Variants in HS3ST2 observed in about 807,000 individuals in gnomAD.
HS3ST2 encodes heparan sulfate glucosamine 3-O-sulfotransferase 2.
HS3ST2 carries 17 observed loss-of-function variants against 26.3 expected under a neutral mutation model. That is an observed-to-expected ratio of 0.65 (90% CI 0.44 to 0.97). The LOEUF (loss-of-function observed/expected upper bound fraction) is 0.97. Ranked by LOEUF, HS3ST2 falls within the 50% of genes least tolerant of loss-of-function variation. The probability of loss-of-function intolerance (pLI) is 0.00; values close to 1 mark genes in which losing one functional copy is unlikely to be tolerated. For missense variants in HS3ST2, 402 were observed against 501.2 expected, an observed-to-expected ratio of 0.80 and a Z score of 1.89; for synonymous variants, 237 against 219.2, an observed-to-expected ratio of 1.08 and a Z score of -0.72.
intron 1 of HS3ST2, among the ~76,000 whole-genome samples, chr16:22,884,048 A>C (rs2141198056): frequency 6.6e-6 from 1 of 152,338 alleles, no homozygotes; most frequent in South Asian, 2.1e-4. Context: ...GCAATGGGCA[A>C]GTCACAGAGA....
chr16:22,910,566 C>T (rs920372073), intron 1 of HS3ST2, among the ~76,000 whole-genome samples: 1 of 152,160 alleles, frequency 6.6e-6, no homozygotes, highest in Admixed American at 6.5e-5. Context: ...GTACTCAATA[C>T]TACTTTTTTT....
intron 1 of HS3ST2, among the ~76,000 whole-genome samples, chr16:22,880,347 G>T (rs1901971385): frequency 6.6e-6 from 1 of 152,146 alleles, no homozygotes; most frequent in South Asian, 2.1e-4. Flanking sequence ...AACCTGGGAG[G>T]TTGAGGCTGC....
At chr16:22,889,506 C>G (rs1596627339) in intron 1 of HS3ST2, among the ~76,000 whole-genome samples, 1 of 152,162 alleles carries the variant, frequency 6.6e-6, no homozygotes, top group South Asian at 2.1e-4. Flanking sequence ...CAAGGAAATG[C>G]TCACTAGAGC....
intron 1 of HS3ST2, among the ~76,000 whole-genome samples, chr16:22,904,889 C>T (rs186807548): frequency 8.4e-4 from 128 of 152,280 alleles, no homozygotes; most frequent in African/African-American, 2.7e-3. Context: ...AATGGTCCCA[C>T]GGTATGAGAG....
chr16:22,823,761 T>C (rs909626961), intron 1 of HS3ST2, among the ~76,000 whole-genome samples: 4 of 152,164 alleles, frequency 2.6e-5, no homozygotes, highest in African/African-American at 9.7e-5. Flanking sequence ...AACTCCAGCC[T>C]GGGTGATAGA....
intron 1 of HS3ST2, among the ~76,000 whole-genome samples, chr16:22,826,553 G>A (rs1326099312): frequency 6.6e-6 from 1 of 152,062 alleles, no homozygotes; most frequent in African/African-American, 2.4e-5. Context: ...TTCCCCACTA[G>A]CCTGAAAACT....
chr16:22,852,288 A>T (rs1279872530), intron 1 of HS3ST2, among the ~76,000 whole-genome samples: 1 of 152,194 alleles, frequency 6.6e-6, no homozygotes, highest in Non-Finnish European at 1.5e-5. Context: ...AGCAAAAATA[A>T]GTGATTTCTC....
intron 1 of HS3ST2, among the ~76,000 whole-genome samples, chr16:22,903,818 T>G (rs1021066464): frequency 6.6e-6 from 1 of 152,140 alleles, no homozygotes; most frequent in Non-Finnish European, 1.5e-5. Context: ...TGGGGAAACT[T>G]GCAAGCCGTG....
intron 1 of HS3ST2, among the ~76,000 whole-genome samples, chr16:22,848,794 C>T (rs1266847579): frequency 6.6e-6 from 1 of 152,198 alleles, no homozygotes; most frequent in Non-Finnish European, 1.5e-5. Flanking sequence ...TAACACGAGG[C>T]TCTATGATTA....
chr16:22,883,695 C>T (rs1902023523), intron 1 of HS3ST2, among the ~76,000 whole-genome samples: 1 of 152,198 alleles, frequency 6.6e-6, no homozygotes, highest in South Asian at 2.1e-4. Flanking sequence ...TGCTTCTCTT[C>T]ACTTTCTGGT....
intron 1 of HS3ST2, among the ~76,000 whole-genome samples, chr16:22,911,862 C>T (rs1902428056): frequency 6.6e-6 from 1 of 152,188 alleles, no homozygotes; most frequent in South Asian, 2.1e-4. Context: ...GGTGGCTACA[C>T]CGTAATCCCA....
At chr16:22,899,219 G>A (rs1435919342) in intron 1 of HS3ST2, among the ~76,000 whole-genome samples, 3 of 152,172 alleles carry the variant, frequency 2.0e-5, no homozygotes, top group African/African-American at 7.2e-5. Flanking sequence ...GTGGAGGGTG[G>A]GGACTCCGTG....
chr16:22,896,088 A>T (rs1001339880), intron 1 of HS3ST2, among the ~76,000 whole-genome samples: 5 of 152,028 alleles, frequency 3.3e-5, no homozygotes, highest in African/African-American at 1.2e-4. Context: ...CTGGGACAAG[A>T]GGTGCACTCC....
intron 1 of HS3ST2, among the ~76,000 whole-genome samples, chr16:22,858,426 T>C (rs1901630689): frequency 6.6e-6 from 1 of 151,892 alleles, no homozygotes; most frequent in Non-Finnish European, 1.5e-5. Flanking sequence ...TGAGTTGGGC[T>C]TTTTTCCAGA....
Position 22,866,120 on chromosome 16 carries a change from G to C in HS3ST2, c.486-48824G>C, listed in dbSNP as rs528431406. Among the ~76,000 whole-genome samples the C allele has an allele frequency of 2.0e-5, 3 of 152,066 alleles. 1 individual carries two copies. Among genetic ancestry groups the C allele is most frequent in the Admixed American group, 2.0e-4 (3 of 15,250 alleles). On this transcript the variant is annotated intron_variant, in intron 1 of 1. Coordinates refer to ENST00000261374, the MANE Select transcript of HS3ST2 (RefSeq NM_006043.2). ...AGAACAACATGACTGCACTTATTTA[G>C]TATTGTTCTGGAAGGTATAGCCAAT...
intron 1 of HS3ST2, among the ~76,000 whole-genome samples, chr16:22,894,456 G>A (rs1902177848): frequency 2.0e-5 from 3 of 152,146 alleles, no homozygotes; most frequent in Non-Finnish European, 4.4e-5. Flanking sequence ...AACGCTCACC[G>A]CCACTGGGGT....
At chr16:22,824,994 G>GGA (rs144713222) in intron 1 of HS3ST2, among the ~76,000 whole-genome samples, 1 of 151,284 alleles carries the variant, frequency 6.6e-6, no homozygotes. Context: ...AGATCTTATT[G>GGA]GAGAGAGAGA....
chr16:22,854,012 CA>C (rs1901554814), intron 1 of HS3ST2, among the ~76,000 whole-genome samples: 1 of 152,120 alleles, frequency 6.6e-6, no homozygotes, highest in Non-Finnish European at 1.5e-5. Context: ...CATGTGGTCT[CA>C]CTATTGTATT....
At chr16:22,815,126 G>A (rs1174286248) in intron 1 of HS3ST2, 31 bp downstream of exon 1, 4 of 1,604,622 alleles carry the variant, frequency 2.5e-6, no homozygotes, top group Admixed American at 3.5e-5. Context: ...TCCGTGCGCC[G>A]GGTCTCTGAT....
Sources: gnomAD v4.1 joint callset for allele counts (sites outside exome capture counted in the v4.1 genomes callset) on GRCh38, gnomAD v4.1.1 for gene constraint, MANE v1.5 for transcripts, NCBI Gene and HGNC (gene_info 2026-07-23, HGNC 2026-07-21) for gene names.